The following PGD variants were observed in gnomAD, a reference collection of about 807,000 sequenced individuals.
PGD encodes 6-phosphogluconate dehydrogenase, decarboxylating.
In PGD, 21 loss-of-function variants were observed where a neutral mutation model predicts 60.4. The ratio of observed to expected loss-of-function variants is 0.35; its 90% CI spans 0.25 to 0.50. PGD has a LOEUF of 0.50. Among genes scored for constraint, PGD ranks in the 20% least tolerant of loss-of-function variants. PGD has a pLI of 0.98. For missense variants in PGD, 477 were observed against 613.1 expected (o/e 0.78, Z 2.34); for synonymous variants, 230 against 235.9 (o/e 0.97, Z 0.23).
chr1:10,409,469 G>A (rs141579767), intron 6 of PGD, among the ~76,000 whole-genome samples: 292 of 152,164 alleles, frequency 1.9e-3, no homozygotes, highest in Middle Eastern at 0.01. Flanking sequence ...GTAAAAGGCC[G>A]GGTGTAGTGG....
chr1:10,405,117 G>A (rs1639378478), intron 5 of PGD, among the ~76,000 whole-genome samples: 1 of 152,034 alleles, frequency 6.6e-6, no homozygotes, highest in African/African-American at 2.4e-5. Context: ...GCTCACGCCT[G>A]TAATCCCAGC....
chr1:10,400,094 CAGAT>C, intron 2 of PGD: 1 of 462,058 alleles, frequency 2.2e-6, no homozygotes, highest in African/African-American at 1.9e-5. Context: ...TCAATAACAA[CAGAT>C]AGAGCCTGTT....
At chr1:10,415,721 G>T (rs1019552984) in intron 8 of PGD, among the ~76,000 whole-genome samples, 2 of 152,198 alleles carry the variant, frequency 1.3e-5, no homozygotes, top group Non-Finnish European at 2.9e-5. Flanking sequence ...AAAGTCCTCT[G>T]TTAGTTCCCT....
chr1:10,416,035 G>C (rs1047445796), intron 8 of PGD, among the ~76,000 whole-genome samples: 10 of 152,012 alleles, frequency 6.6e-5, no homozygotes, highest in Admixed American at 3.9e-4. Flanking sequence ...CCTCTAAATT[G>C]AATTTGAAAT....
At chr1:10,411,986 G>A (rs1340012579) in intron 7 of PGD, among the ~76,000 whole-genome samples, 1 of 152,192 alleles carries the variant, frequency 6.6e-6, no homozygotes, top group African/African-American at 2.4e-5. Flanking sequence ...CAACCATGCA[G>A]CACAGAAGTT....
rs1569970449 is a variant in PGD, at chr1:10,403,078, T to G, written c.272T>G (p.Leu91Trp). 6.2e-7 allele frequency: 1 copy of G among 1,607,474 alleles called. No homozygotes were observed. The highest frequency in any genetic ancestry group is 2.2e-5 in the East Asian group (1 of 44,842). ...GCTGGTGTCTGGTTACAGGTACCAT[T>G]GTTGGATACTGGTGACATCATCATT... ...VDDFIEKLVP[L>W]LDTGDIIIDG... The change falls in exon 4 of 13, where the codon TTG becomes TGG. Residue 91 changes from leucine to tryptophan, a missense_variant. Around this residue, in one of 3 missense-constraint regions of PGD, gnomAD observed 431 missense variants for 556.6 expected, o/e 0.77. Coordinates refer to ENST00000270776, the MANE Select transcript of PGD (RefSeq NM_002631.4).
Position 10,418,929 on chromosome 1 carries a change from T to C in PGD, c.1209+4T>C, listed in dbSNP as rs770434581. ...GTCAGCTGTTGAAAACTGCCAGGTA[T>C]GTAGCCTAGGGCTGGTGCCATGGTT... On this transcript the variant is annotated splice_donor_region_variant and intron_variant, in intron 11 of 12. Transcript: ENST00000270776. The C allele has an allele frequency of 1.3e-6, 2 of 1,534,884 alleles. No homozygotes were observed. Among genetic ancestry groups the C allele is most frequent in the East Asian group, 2.2e-5 (1 of 44,494 alleles).
At chr1:10,416,952 G>A (rs1247467053) in intron 8 of PGD, 35 bp from the exon 9 acceptor site, 1 of 1,607,434 alleles carries the variant, frequency 6.2e-7, no homozygotes, top group East Asian at 2.2e-5. Context: ...AGGCCTGACA[G>A]TAATCTGTTT....
chr1:10,416,917 A>C (rs1639604087), intron 8 of PGD, 70 bp from the exon 9 acceptor site: 2 of 1,491,946 alleles, frequency 1.3e-6, no homozygotes, highest in African/African-American at 2.8e-5. Flanking sequence ...GTCACAGGGG[A>C]TATGATAGTT....
At chr1:10,407,981 G>A in intron 5 of PGD, 90 bp from the exon 6 acceptor site, 1 of 766,616 alleles carries the variant, frequency 1.3e-6, no homozygotes, top group South Asian at 1.4e-5. Flanking sequence ...AAAGATAGGG[G>A]TTGGTGTCTA....
At chr1:10,418,954 T>C (rs371015572) in intron 11 of PGD, 29 bp downstream of exon 11, 2 of 1,220,450 alleles carry the variant, frequency 1.6e-6, no homozygotes, top group Non-Finnish European at 2.4e-6. Flanking sequence ...GTGCCATGGT[T>C]ACTCTACCTC....
At chr1:10,410,182 G>T (rs1257325736) in intron 6 of PGD, among the ~76,000 whole-genome samples, 2 of 152,108 alleles carry the variant, frequency 1.3e-5, no homozygotes, top group Non-Finnish European at 2.9e-5. Context: ...CAGGCGTGGT[G>T]GCTCATGCCT....
At position 10,411,426 on chromosome 1, in the gene PGD, T is replaced by C. The variant is rs1257435559; in HGVS notation, c.528T>C (p.Asp176=). The C allele has an allele frequency of 6.2e-7, 1 of 1,613,200 alleles. No homozygotes were observed. Residue 176 remains aspartate (D), a synonymous_variant, in exon 7 of 13, where the codon GAT becomes GAC. Coordinates refer to ENST00000270776, the MANE Select transcript of PGD (RefSeq NM_002631.4). Reference sequence around the variant, plus strand: ...GCTTGTTGTCCTGACAGGTGGGAGATGAGGGAGCAGGCCACTTCGTGAAGA... The same window carrying C: ...GCTTGTTGTCCTGACAGGTGGGAGACGAGGGAGCAGGCCACTTCGTGAAGA... ...TGEPCCDWVG[D]EGAGHFVKMV... is the part of the protein sequence containing the mutation.
At chr1:10,410,176 C>T (rs951388659) in intron 6 of PGD, among the ~76,000 whole-genome samples, 1 of 152,058 alleles carries the variant, frequency 6.6e-6, no homozygotes, top group African/African-American at 2.4e-5. Flanking sequence ...CAAGGCCAGG[C>T]GTGGTGGCTC....
At chr1:10,405,501 A>G (rs2102388821) in intron 5 of PGD, among the ~76,000 whole-genome samples, 1 of 150,216 alleles carries the variant, frequency 6.7e-6, no homozygotes, top group East Asian at 2.1e-4. Flanking sequence ...TGGCCTCCCA[A>G]AGTACTGGGA....
At chr1:10,406,494 T>G (rs1639407866) in intron 5 of PGD, among the ~76,000 whole-genome samples, 1 of 151,984 alleles carries the variant, frequency 6.6e-6, no homozygotes. Flanking sequence ...ACATATGGAG[T>G]GCTCCAGTTG....
At chr1:10,413,363 A>G in intron 8 of PGD, 112 bp downstream of exon 8, 1 of 934,386 alleles carries the variant, frequency 1.1e-6, no homozygotes, top group Non-Finnish European at 1.6e-6. Context: ...TTTAGCTTTC[A>G]GAGTGCCTTT....
In PGD at chr1:10,419,625, C is replaced by G; in HGVS notation, c.1333-5C>G. On this transcript the variant is annotated splice_region_variant and splice_polypyrimidine_tract_variant and intron_variant, in intron 12 of 12. Coordinates refer to ENST00000270776, the MANE Select transcript of PGD (RefSeq NM_002631.4). ...TCCTGACCAACCTACTCTCTCGTTT[C>G]CTAGGCTCAGCGGGATTACTTCGGG... 3 of 1,614,136 alleles carry G rather than the reference C, an allele frequency of 1.9e-6. No homozygotes were observed. The highest frequency in any genetic ancestry group is 4.5e-5 in the East Asian group (2 of 44,884).
chr1:10,405,965 C>T (rs1026711517), intron 5 of PGD, among the ~76,000 whole-genome samples: 2 of 152,242 alleles, frequency 1.3e-5, no homozygotes, highest in Admixed American at 6.5e-5. Context: ...GCCATTCTCT[C>T]GCCTCAGCCT....
Sources: gnomAD v4.1 joint callset for allele counts (sites outside exome capture counted in the v4.1 genomes callset) on GRCh38, gnomAD v4.1.1 for gene constraint, gnomAD v4.1.1 regional missense constraint, MANE v1.5 for transcripts, NCBI Gene and HGNC (gene_info 2026-07-23, HGNC 2026-07-21) for gene names.